The following GALM variants were observed in gnomAD, a reference collection of about 807,000 sequenced individuals.
The protein encoded by GALM is aldose 1-epimerase.
Under a neutral mutation model 37.4 loss-of-function variants are expected in GALM, and 43 were observed. The ratio of observed to expected loss-of-function variants is 1.15; its 90% CI spans 0.90 to 1.48. The LOEUF (loss-of-function observed/expected upper bound fraction) is 1.48, where lower values mean the gene tolerates loss of function less well. GALM is among the 40% of genes most tolerant of loss of function. GALM has a pLI of 0.00. For missense variants in GALM, 456 were observed against 419.1 expected (o/e 1.09, Z -0.77); for synonymous variants, 199 against 170.6 (o/e 1.17, Z -1.30).
At chr2:38,703,298 G>C (rs189477959) in intron 4 of GALM, among the ~76,000 whole-genome samples, 1 of 149,670 alleles carries the variant, frequency 6.7e-6, no homozygotes, top group Non-Finnish European at 1.5e-5. Flanking sequence ...GTAGAGACAG[G>C]TTTCTTCATG....
At chr2:38,711,352 G>C (rs1334052678) in intron 4 of GALM, among the ~76,000 whole-genome samples, 1 of 151,806 alleles carries the variant, frequency 6.6e-6, no homozygotes, top group African/African-American at 2.4e-5. Context: ...GTAGAGACAG[G>C]GTTTCACGAC....
chr2:38,696,031 G>A (rs1665797263), intron 4 of GALM, among the ~76,000 whole-genome samples: 1 of 151,512 alleles, frequency 6.6e-6, no homozygotes, highest in Non-Finnish European at 1.5e-5. Flanking sequence ...CTCTTCTTAG[G>A]GTCATGAGAT....
intron 1 of GALM, among the ~76,000 whole-genome samples, chr2:38,674,721 C>T (rs766307351): frequency 6.6e-6 from 1 of 152,108 alleles, no homozygotes; most frequent in African/African-American, 2.4e-5. Flanking sequence ...CGCTTCCCCT[C>T]AAGACCACAC....
intron 2 of GALM, among the ~76,000 whole-genome samples, chr2:38,678,702 C>T (rs1665319129): frequency 2.0e-5 from 3 of 152,192 alleles, no homozygotes; most frequent in South Asian, 4.1e-4. Context: ...CACATACCAG[C>T]TGCCTTCACT....
intron 1 of GALM, among the ~76,000 whole-genome samples, chr2:38,667,425 C>A (rs1558574098): frequency 6.6e-6 from 1 of 151,782 alleles, no homozygotes. Context: ...AAAAAATTAG[C>A]TGAGCATGGT....
chr2:38,733,347 C>A, intron 6 of GALM, 141 bp from the exon 7 acceptor site: 1 of 746,526 alleles, frequency 1.3e-6, no homozygotes, highest in Non-Finnish European at 2.4e-6. Flanking sequence ...CTTTATCTCA[C>A]TATGAACCAA....
intron 4 of GALM, among the ~76,000 whole-genome samples, chr2:38,702,366 A>T (rs1665936824): frequency 6.6e-6 from 1 of 152,128 alleles, no homozygotes; most frequent in African/African-American, 2.4e-5. Flanking sequence ...CTTAAAAAAA[A>T]AATTGAACAT....
In GALM at chr2:38,708,731, GAA is replaced by G. The variant is rs35151264; in HGVS notation, c.634+18854_634+18855del. ...GTGATAGAGCGAGACTCTGTCTCAA[GAA>G]AAAAAAAAAAAAAAAAGAAAGTGCT... is the stretch of plus-strand genomic sequence containing the variant. On this transcript the variant is annotated intron_variant, in intron 4 of 6. Transcript: ENST00000272252. Among the ~76,000 whole-genome samples, 211 of 91,502 alleles carry G rather than the reference GAA, an allele frequency of 2.3e-3. 1 individual carries two copies. The highest frequency in any genetic ancestry group is 4.6e-3 in the African/African-American group (133 of 29,000). 60.0% of individuals were successfully genotyped at this position (91,502 alleles called of 152,430 possible). A position where few individuals can be genotyped will look rare whatever the true frequency, so the allele number is the denominator to read the frequency against.
chr2:38,728,126 G>A (rs1666523942), intron 4 of GALM, among the ~76,000 whole-genome samples: 1 of 152,206 alleles, frequency 6.6e-6, no homozygotes, highest in Non-Finnish European at 1.5e-5. Context: ...AGGAGTGGTG[G>A]CTCACACCTG....
At chr2:38,667,592 A>G (rs189095625) in intron 1 of GALM, among the ~76,000 whole-genome samples, 49 of 150,082 alleles carry the variant, frequency 3.3e-4, no homozygotes, top group Admixed American at 4.7e-4. Flanking sequence ...GCAAATTTCA[A>G]TTCCTCAGGG....
chr2:38,666,369 C>A lies in GALM; in HGVS notation c.190+18C>A. ...GTTGGAAGGTGGGTTGAACTGTGCC[C>A]TGGGCTGCGAGCAGGCCCCAGGCCC... On this transcript the variant is annotated intron_variant, in intron 1 of 6. Coordinates refer to ENST00000272252, the MANE Select transcript of GALM (RefSeq NM_138801.3). 6.3e-7 allele frequency: 1 copy of A among 1,590,046 alleles called. No individual in the cohort carries two copies. Among genetic ancestry groups the A allele is most frequent in the Admixed American group, 1.7e-5 (1 of 57,994 alleles).
chr2:38,684,902 A>G (rs1665485690), intron 3 of GALM, among the ~76,000 whole-genome samples: 1 of 152,190 alleles, frequency 6.6e-6, no homozygotes, highest in African/African-American at 2.4e-5. Context: ...GAAAAGCAAT[A>G]GCATGTGGTA....
At chr2:38,716,534 G>C (rs1296954811) in intron 4 of GALM, among the ~76,000 whole-genome samples, 1 of 152,236 alleles carries the variant, frequency 6.6e-6, no homozygotes, top group African/African-American at 2.4e-5. Context: ...CGGGGCTTCA[G>C]AGGCTCTGGG....
intron 4 of GALM, among the ~76,000 whole-genome samples, chr2:38,711,359 C>T (rs1286439120): frequency 2.0e-5 from 3 of 151,968 alleles, no homozygotes; most frequent in Non-Finnish European, 4.4e-5. Flanking sequence ...CAGGGTTTCA[C>T]GACGTTGGTC....
At chr2:38,704,141 C>G (rs1157231090) in intron 4 of GALM, among the ~76,000 whole-genome samples, 1 of 151,558 alleles carries the variant, frequency 6.6e-6, no homozygotes, top group Non-Finnish European at 1.5e-5. Flanking sequence ...ATCTTTTTTC[C>G]TCTTTCAAAG....
chr2:38,733,571 T>A lies in GALM; in HGVS notation c.*6T>A, dbSNP rs1391129735. ...TCAAGTTTTCTGTGGCTTAAGGAAG[T>A]GTGAAGATATGATCCAGTCCAGGGC... On this transcript the variant is annotated 3_prime_UTR_variant, in exon 7 of 7. Coordinates refer to ENST00000272252, the MANE Select transcript of GALM (RefSeq NM_138801.3). The A allele has an allele frequency of 6.2e-7, 1 of 1,607,788 alleles. No individual in the cohort carries two copies.
chr2:38,710,425 T>A (rs116365916), intron 4 of GALM, among the ~76,000 whole-genome samples: 135 of 152,320 alleles, frequency 8.9e-4, no homozygotes, highest in African/African-American at 3.0e-3. Context: ...TGTATTGAGG[T>A]GAGATCTGTC....
chr2:38,723,794 A>G (rs1666429049), intron 4 of GALM, among the ~76,000 whole-genome samples: 1 of 30,144 alleles, frequency 3.3e-5, no homozygotes, highest in African/African-American at 1.2e-4. Context: ...CTGACTCAAA[A>G]AAACAAACAA....
chr2:38,706,039 T>A (rs1160655334), intron 4 of GALM, among the ~76,000 whole-genome samples: 1 of 150,918 alleles, frequency 6.6e-6, no homozygotes, highest in Non-Finnish European at 1.5e-5. Context: ...AAAGTCTCAC[T>A]CTGTTGCCCA....
Sources: allele counts gnomAD v4.1 joint callset (sites outside exome capture counted in the v4.1 genomes callset), GRCh38; gene constraint gnomAD v4.1.1; transcripts MANE v1.5; gene names NCBI Gene and HGNC (gene_info 2026-07-23, HGNC 2026-07-21).